The following ROBO2 variants were observed in gnomAD, a reference collection of about 807,000 sequenced individuals.
ROBO2 encodes roundabout homolog 2.
In ROBO2, 53 loss-of-function variants were observed where a neutral mutation model predicts 160.8. The ratio of observed to expected loss-of-function variants is 0.33; its 90% CI spans 0.26 to 0.41. The LOEUF is 0.41. Ranked by LOEUF, ROBO2 falls within the 10% of genes least tolerant of loss-of-function variation. The pLI, the probability that ROBO2 is intolerant of heterozygous loss-of-function variation, is 1.00. For synonymous variants in ROBO2, 664 were observed against 611.7 expected, an observed-to-expected ratio of 1.09 and a Z score of -1.26; for missense variants, 1,577 against 1,722.4, an observed-to-expected ratio of 0.92 and a Z score of 1.49.
chr3:76,187,890 T>G (rs548177370), intron 2 of ROBO2, among the ~76,000 whole-genome samples: 1 of 152,226 alleles, frequency 6.6e-6, no homozygotes, highest in East Asian at 1.9e-4. Context: ...AACCCATTGG[T>G]GAACCTATTG....
intron 2 of ROBO2, among the ~76,000 whole-genome samples, chr3:76,497,647 G>A (rs1354726236): frequency 6.6e-6 from 1 of 152,228 alleles, no homozygotes; most frequent in Non-Finnish European, 1.5e-5. Context: ...CATGAAGGTG[G>A]TAGTTACAGG....
chr3:77,317,110 G>A lies in ROBO2; in HGVS notation c.389-160304G>A, dbSNP rs975988948. ...GTAGCCAACTGCAAAGTTGCTCTGGGTCACTCAGGAAGGACTTTGCAGTCT... is the reference window on the plus strand; with the variant it reads ...GTAGCCAACTGCAAAGTTGCTCTGGATCACTCAGGAAGGACTTTGCAGTCT... On this transcript the variant is annotated intron_variant, in intron 2 of 25. Coordinates refer to ENST00000461745, the Ensembl canonical transcript of ROBO2. 163 of 1,298,778 alleles carry A rather than the reference G, an allele frequency of 1.3e-4. 1 individual carries two copies. The highest frequency in any genetic ancestry group is 2.3e-4 in the Middle Eastern group (1 of 4,286). 80.5% of individuals were successfully genotyped at this position (1,298,778 alleles called of 1,614,324 possible).
At chr3:76,428,617 CAAAA>C (rs58841794) in intron 2 of ROBO2, among the ~76,000 whole-genome samples, 3 of 151,140 alleles carry the variant, frequency 2.0e-5, no homozygotes, top group Non-Finnish European at 3.0e-5. Flanking sequence ...CTAACAGAAA[CAAAA>C]AAAAGTGAGT....
chr3:77,423,903 T>C (rs1022203746), intron 2 of ROBO2, among the ~76,000 whole-genome samples: 5 of 152,152 alleles, frequency 3.3e-5, no homozygotes, highest in African/African-American at 1.2e-4. Context: ...GATTGGCATA[T>C]AACAGTAGGT....
chr3:76,604,729 T>C (rs2087504939), intron 2 of ROBO2, among the ~76,000 whole-genome samples: 1 of 152,172 alleles, frequency 6.6e-6, no homozygotes, highest in African/African-American at 2.4e-5. Context: ...GAGTATGTAG[T>C]ATGGAAATGT....
chr3:77,045,926 C>T (rs13082565), intron 1 of ROBO2, among the ~76,000 whole-genome samples: 2,577 of 152,262 alleles, frequency 0.017, 35 homozygotes, highest in Middle Eastern at 0.054. Context: ...AAGGGTCATC[C>T]GTGTCATAGC....
At chr3:77,292,886 G>T (rs1221156775) in intron 2 of ROBO2, among the ~76,000 whole-genome samples, 2 of 151,254 alleles carry the variant, frequency 1.3e-5, no homozygotes, top group Admixed American at 6.6e-5. Flanking sequence ...TAAAATTGAC[G>T]ATTAAACGGT....
intron 2 of ROBO2, among the ~76,000 whole-genome samples, chr3:76,269,085 A>G (rs1707270767): frequency 6.6e-6 from 1 of 152,118 alleles, no homozygotes; most frequent in African/African-American, 2.4e-5. Context: ...AATTAATAAG[A>G]TCTAGTATTT....
chr3:75,938,959 A>G lies in ROBO2; in HGVS notation c.109+1357A>G, dbSNP rs1240968504. ...ATAGTAGTTTTTTCACCAAAGGTCTAAAACAAGAATATGTAGACAGTAGCC... is the reference window on the plus strand; with the variant it reads ...ATAGTAGTTTTTTCACCAAAGGTCTGAAACAAGAATATGTAGACAGTAGCC... On this transcript the variant is annotated intron_variant, in intron 2 of 26. Transcript: ENST00000487694. Among the ~76,000 whole-genome samples the G allele has an allele frequency of 3.2e-4, 48 of 152,178 alleles. 1 individual carries two copies. The highest frequency in any genetic ancestry group is 3.1e-3 in the Admixed American group (48 of 15,262).
chr3:77,247,157 G>A (rs903992114), intron 2 of ROBO2, among the ~76,000 whole-genome samples: 3 of 152,068 alleles, frequency 2.0e-5, no homozygotes, highest in Non-Finnish European at 2.9e-5. Context: ...TCCATGTCTC[G>A]AGTTTTAAGT....
At chr3:76,209,499 AAAC>A (rs1703010172) in intron 2 of ROBO2, among the ~76,000 whole-genome samples, 1 of 152,172 alleles carries the variant, frequency 6.6e-6, no homozygotes, top group African/African-American at 2.4e-5. Flanking sequence ...AAGAGGAAAA[AAAC>A]AGCAATATCA....
chr3:76,211,350 A>C (rs904377980), intron 2 of ROBO2, among the ~76,000 whole-genome samples: 2 of 152,118 alleles, frequency 1.3e-5, no homozygotes, highest in Non-Finnish European at 2.9e-5. Flanking sequence ...AAATTTAAGA[A>C]CTTGTTCAGC....
chr3:76,004,615 C>T (rs1187437667), intron 2 of ROBO2, among the ~76,000 whole-genome samples: 1 of 152,128 alleles, frequency 6.6e-6, no homozygotes, highest in Non-Finnish European at 1.5e-5. Context: ...GATGGGATAT[C>T]TCCGGGGTCT....
chr3:77,645,029 C>G (rs1313694830), intron 25 of ROBO2, 125 bp downstream of exon 27: 1 of 958,502 alleles, frequency 1.0e-6, no homozygotes, highest in Non-Finnish European at 1.6e-6. Context: ...CAATCAATTG[C>G]AATTTTCAAC....
chr3:76,234,682 AT>A (rs1352395927), intron 2 of ROBO2, among the ~76,000 whole-genome samples: 6 of 152,228 alleles, frequency 3.9e-5, no homozygotes, highest in African/African-American at 1.4e-4. Context: ...AAACAAAAAA[AT>A]ACCTTGATGT....
intron 2 of ROBO2, among the ~76,000 whole-genome samples, chr3:76,134,265 A>T (rs2071342371): frequency 6.8e-6 from 1 of 146,744 alleles, no homozygotes; most frequent in Admixed American, 7.0e-5. Context: ...CCAAGTGAAG[A>T]TACTTTTTTT....
chr3:76,902,397 T>G (rs1433871157), intron 2 of ROBO2, among the ~76,000 whole-genome samples: 4 of 152,068 alleles, frequency 2.6e-5, no homozygotes, highest in African/African-American at 4.8e-5. Context: ...CTCTTACTTT[T>G]CTACTTCTTA....
chr3:76,453,979 G>T (rs1384041528), intron 2 of ROBO2, among the ~76,000 whole-genome samples: 1 of 152,230 alleles, frequency 6.6e-6, no homozygotes, highest in Non-Finnish European at 1.5e-5. Context: ...CCTGTCTATT[G>T]TCACCTGGGC....
At chr3:77,529,664 G>T (rs2153633574) in intron 6 of ROBO2, among the ~76,000 whole-genome samples, 1 of 151,902 alleles carries the variant, frequency 6.6e-6, no homozygotes, top group East Asian at 1.9e-4. Flanking sequence ...TGTTTCCAAA[G>T]TTATTTCCAT....
Sources: allele counts gnomAD v4.1 joint callset (sites outside exome capture counted in the v4.1 genomes callset), GRCh38; gene constraint gnomAD v4.1.1; transcripts MANE v1.5; gene names NCBI Gene and HGNC (gene_info 2026-07-23, HGNC 2026-07-21).